SLC22A14: variants seen among roughly 807,000 people sequenced by gnomAD.
SLC22A14 encodes the protein organic cation transporter-like 4.
Under a neutral mutation model 53.9 loss-of-function variants are expected in SLC22A14, and 50 were observed. That is an observed-to-expected ratio of 0.93 (90% CI 0.74 to 1.17). The LOEUF (loss-of-function observed/expected upper bound fraction) is 1.17, where lower values mean the gene tolerates loss of function less well. Ranked by LOEUF, SLC22A14 falls within the 50% of genes most tolerant of loss-of-function variation. The probability of loss-of-function intolerance (pLI) is 0.00; values close to 1 mark genes in which losing one functional copy is unlikely to be tolerated. For missense variants in SLC22A14, 671 were observed against 734.7 expected, an observed-to-expected ratio of 0.91 and a Z score of 1.00; for synonymous variants, 312 against 303.0, an observed-to-expected ratio of 1.03 and a Z score of -0.31.
chr3:38,296,168 T>C (rs1383191823), intron 1 of SLC22A14, among the ~76,000 whole-genome samples: 1 of 152,132 alleles, frequency 6.6e-6, no homozygotes, highest in Non-Finnish European at 1.5e-5. Context: ...GAAGGAAAGG[T>C]AGGGGCACAC....
intron 10 of SLC22A14, among the ~76,000 whole-genome samples, chr3:38,317,151 A>G (rs1169896505): frequency 6.6e-6 from 1 of 152,188 alleles, no homozygotes; most frequent in African/African-American, 2.4e-5. Context: ...AGGGGACCTG[A>G]GCGCCAGTGA....
intron 1 of SLC22A14, among the ~76,000 whole-genome samples, chr3:38,284,055 T>C (rs1703732960): frequency 6.6e-6 from 1 of 152,102 alleles, no homozygotes; most frequent in African/African-American, 2.4e-5. Context: ...GGGAAATGTG[T>C]CTGCAGGCTG....
chr3:38,281,086 G>T (rs565748070), upstream of SLC22A14, among the ~76,000 whole-genome samples: 8 of 152,168 alleles, frequency 5.3e-5, no homozygotes, highest in Non-Finnish European at 8.8e-5. Context: ...GGAACTCTAG[G>T]GGGGATGAGG....
intron 4 of SLC22A14, chr3:38,308,256 GA>G (rs1242472098): frequency 3.1e-4 from 51 of 163,236 alleles, no homozygotes; most frequent in African/African-American, 8.9e-4. Flanking sequence ...AGGAGGAGAA[GA>G]AGAAGAAGAA....
intron 1 of SLC22A14, among the ~76,000 whole-genome samples, chr3:38,301,615 A>G (rs1246024102): frequency 6.6e-6 from 1 of 151,828 alleles, no homozygotes; most frequent in African/African-American, 2.4e-5. Flanking sequence ...TTCAATCTTT[A>G]TGTCTTTAAT....
chr3:38,294,123 G>T (rs1246139554), intron 1 of SLC22A14, among the ~76,000 whole-genome samples: 1 of 151,232 alleles, frequency 6.6e-6, no homozygotes, highest in Non-Finnish European at 1.5e-5. Context: ...GGAAATATTG[G>T]CACTCTTTGG....
chr3:38,283,059 T>A (rs906733760), intron 1 of SLC22A14, among the ~76,000 whole-genome samples: 2 of 152,164 alleles, frequency 1.3e-5, no homozygotes, highest in African/African-American at 4.8e-5. Flanking sequence ...ATTTCCTTCC[T>A]TGCCTTTTCC....
intron 1 of SLC22A14, among the ~76,000 whole-genome samples, chr3:38,302,605 C>T (rs187597354): frequency 6.6e-6 from 1 of 152,074 alleles, no homozygotes; most frequent in Non-Finnish European, 1.5e-5. Context: ...TGCTGTAAGC[C>T]GAGACTGTGC....
intron 8 of SLC22A14, among the ~76,000 whole-genome samples, 175 bp downstream of exon 8, chr3:38,314,116 T>C (rs1263524034): frequency 1.3e-5 from 2 of 151,812 alleles, no homozygotes; most frequent in African/African-American, 4.8e-5. Flanking sequence ...AGCACTGCTC[T>C]TCCTGGGTGG....
At chr3:38,315,818 T>C in intron 9 of SLC22A14, 107 bp downstream of exon 9, 1 of 1,170,442 alleles carries the variant, frequency 8.5e-7, no homozygotes, top group Non-Finnish European at 1.2e-6. Context: ...ACAAGCACTG[T>C]GCTAAACAGT....
chr3:38,313,354 G>T (rs1355562026), intron 6 of SLC22A14, 34 bp from the exon 7 acceptor site: 12 of 1,548,556 alleles, frequency 7.7e-6, no homozygotes, highest in Non-Finnish European at 1.1e-5. Flanking sequence ...TGGGGTCTTG[G>T]CCCTGCCTCT....
At chr3:38,316,640 C>T (rs1209600436) in intron 10 of SLC22A14, 116 bp downstream of exon 10, 51 of 901,802 alleles carry the variant, frequency 5.7e-5, no homozygotes, top group South Asian at 1.8e-4. Context: ...GCCTGTGACT[C>T]GAAGGCTGCC....
Position 38,316,489 on chromosome 3 carries a change from C to T in SLC22A14, c.1698C>T (p.Pro566=), listed in dbSNP as rs1559555930. 6.2e-7 allele frequency: 1 copy of T among 1,614,150 alleles called. No individual in the cohort carries two copies. Among genetic ancestry groups the T allele is most frequent in the South Asian group, 1.1e-5 (1 of 91,084 alleles). The part of the protein sequence containing the change: ...SSLLPETRDQ[P]LSESLNHSSQ... The stretch of plus-strand genomic sequence containing the variant: ...TGCTGCCGGAAACGCGAGATCAGCC[C>T]CTCTCCGAGAGCCTGAACCACTCCT... The change falls in exon 10 of 11, where the codon CCC becomes CCT. Residue 566 remains proline (P), a synonymous_variant. Transcript: ENST00000448498.
intron 8 of SLC22A14, 41 bp downstream of exon 8, chr3:38,313,982 C>G: frequency 1.9e-6 from 3 of 1,568,202 alleles, no homozygotes. Context: ...CACAGCCTTC[C>G]TGCTTCCCAA....
rs752766601 is a variant in SLC22A14 at position 38,318,244 on chromosome 3, G to A, written c.1780G>A (p.Val594Ile). ...GACTAAGGAAACATCATCTGATGATGTCTGAGGAAGCGGCCAAGAATGTCA... is the reference window on the plus strand; with the variant it reads ...GACTAAGGAAACATCATCTGATGATATCTGAGGAAGCGGCCAAGAATGTCA... ...MKTKETSSDD[V>I] The change falls in exon 11 of 11, where the codon GTC becomes ATC. Residue 594 changes from valine (V) to isoleucine (I), a missense_variant. Physicochemically the swap from Val to Ile is conservative, Grantham distance 29 (BLOSUM62 3). Coordinates refer to ENST00000448498, the MANE Select transcript of SLC22A14 (RefSeq NM_001320033.2). 6.2e-6 allele frequency: 10 copies of A among 1,613,790 alleles called. No individual in the cohort carries two copies. In the East Asian group the frequency reaches 2.2e-4, roughly 36 times the overall value.
chr3:38,279,672 G>C (rs539408513), upstream of SLC22A14, among the ~76,000 whole-genome samples: 1 of 151,806 alleles, frequency 6.6e-6, no homozygotes, highest in East Asian at 1.9e-4. Flanking sequence ...AAAGTGTCCT[G>C]TGGTTTGCTC....
intron 4 of SLC22A14, among the ~76,000 whole-genome samples, chr3:38,308,474 A>G (rs978828817): frequency 2.6e-5 from 4 of 152,234 alleles, no homozygotes; most frequent in Admixed American, 1.3e-4. Context: ...GGCCTATGAG[A>G]CACTAAAGCA....
At chr3:38,296,956 T>C (rs144862406) in intron 1 of SLC22A14, among the ~76,000 whole-genome samples, 9,768 of 151,986 alleles carry the variant, frequency 0.064, 376 homozygotes, top group East Asian at 0.16. Context: ...GGACGGCGAG[T>C]GAAAGCTCAG....
chr3:38,286,695 A>G (rs1575399937), intron 1 of SLC22A14, among the ~76,000 whole-genome samples: 1 of 149,070 alleles, frequency 6.7e-6, no homozygotes, highest in South Asian at 2.1e-4. Context: ...TACAGGCGTG[A>G]GCCACCGTGC....
Sources: gnomAD v4.1 joint callset for allele counts (sites outside exome capture counted in the v4.1 genomes callset) on GRCh38, gnomAD v4.1.1 for gene constraint, MANE v1.5 for transcripts, NCBI Gene and HGNC (gene_info 2026-07-23, HGNC 2026-07-21) for gene names.